NEK2: variants seen among roughly 807,000 people sequenced by gnomAD.
NEK2 encodes the protein NIMA related kinase 2.
A neutral mutation model predicts 54.1 loss-of-function variants in NEK2; 28 were observed. The ratio of observed to expected loss-of-function variants is 0.52; its 90% CI spans 0.38 to 0.71. The LOEUF (loss-of-function observed/expected upper bound fraction) is 0.71, where lower values mean the gene tolerates loss of function less well. Among genes scored for constraint, NEK2 ranks in the 30% least tolerant of loss-of-function variants. NEK2 has a pLI of 0.00. For synonymous variants in NEK2, 176 were observed against 193.1 expected (o/e 0.91, Z 0.73); for missense variants, 407 against 531.5 (o/e 0.77, Z 2.30).
chr1:211,672,526 G>A (rs367551285), intron 3 of NEK2, among the ~76,000 whole-genome samples: 4 of 151,746 alleles, frequency 2.6e-5, no homozygotes, highest in Admixed American at 6.6e-5. Flanking sequence ...TATCTGAAGT[G>A]AGCAAACTTC....
downstream of NEK2, among the ~76,000 whole-genome samples, chr1:211,662,322 C>A (rs1655037770): frequency 6.6e-6 from 1 of 152,156 alleles, no homozygotes; most frequent in Non-Finnish European, 1.5e-5. The surrounding 1 kb of genome is among the most constrained non-coding windows in gnomAD (Gnocchi z 4.2). Context: ...GAAGTTCACA[C>A]ATTAGGGATT....
rs1414847516 is a variant in NEK2, at chr1:211,674,544, A to C, written c.97-31T>G. The C allele has an allele frequency of 3.3e-6, 5 of 1,495,300 alleles. No homozygotes were observed. In the South Asian group the frequency reaches 6.0e-5, roughly 18 times the overall value. The allele number at this position is 1,495,300 out of a possible 1,614,324, so 92.6% of individuals were successfully genotyped here. On this transcript the variant is annotated intron_variant, in intron 1 of 7. Coordinates refer to ENST00000366999, the MANE Select transcript of NEK2 (RefSeq NM_002497.4). Reference sequence around the variant, plus strand: ...ATAAGAATTTCCAAGGTATGAATGAACTCATTATGCTCAAAAACAAAGAAT... The same window carrying C: ...ATAAGAATTTCCAAGGTATGAATGACCTCATTATGCTCAAAAACAAAGAAT...
At chr1:211,661,142 C>G, downstream of NEK2, 1 of 743,978 alleles carries the variant, frequency 1.3e-6, no homozygotes, top group South Asian at 1.4e-5. Context: ...CATCTCCTGT[C>G]TCTGGGTGCC....
At chr1:211,666,113 T>G (rs954758672) in intron 7 of NEK2, among the ~76,000 whole-genome samples, 4 of 152,240 alleles carry the variant, frequency 2.6e-5, no homozygotes, top group Admixed American at 2.6e-4. Context: ...ATTGAGGGTT[T>G]CTATAAAATG....
intron 2 of NEK2, 35 bp from the exon 3 acceptor site, chr1:211,673,758 T>C: frequency 6.3e-7 from 1 of 1,597,322 alleles, no homozygotes. Context: ...ATATAACTTC[T>C]AAAAAAATCA....
chr1:211,675,033 T>A (rs902459406), intron 1 of NEK2, among the ~76,000 whole-genome samples: 1 of 152,226 alleles, frequency 6.6e-6, no homozygotes, highest in Non-Finnish European at 1.5e-5. Flanking sequence ...CTTCGGGTTC[T>A]GGTAGTCCTG....
rs545902685 is a variant in NEK2 at position 211,673,458 on chromosome 1, A to G, written c.555+25T>C. ...AACAAAAATAAAAGATGTTTTAAAA[A>G]GTAGCTAAATTCTGAAATACTTACA... On this transcript the variant is annotated intron_variant, in intron 3 of 7. Coordinates refer to ENST00000366999, the MANE Select transcript of NEK2 (RefSeq NM_002497.4). The G allele has an allele frequency of 8.5e-5, 137 of 1,608,158 alleles. 3 individuals are homozygous for G. The South Asian group carries it at 1.5e-3, about 17-fold the overall frequency.
downstream of NEK2, among the ~76,000 whole-genome samples, chr1:211,661,482 G>A (rs1655017145): frequency 6.6e-6 from 1 of 152,132 alleles, no homozygotes; most frequent in African/African-American, 2.4e-5. Flanking sequence ...GGATTCAATC[G>A]AAAGCTATTT....
intron 6 of NEK2, among the ~76,000 whole-genome samples, chr1:211,668,886 A>G (rs565081480): frequency 1.3e-5 from 2 of 152,344 alleles, no homozygotes; most frequent in East Asian, 1.9e-4. Context: ...TTAAGGCCCA[A>G]TAATATATAA....
In NEK2 at chr1:211,673,643, T is replaced by G; in HGVS notation, c.395A>C (p.Asp132Ala). 1 of 1,614,174 alleles carries G rather than the reference T, an allele frequency of 6.2e-7. No homozygotes were observed. Residue 132 changes from aspartate to alanine, a missense_variant, in exon 3 of 8, where the codon GAT becomes GCT. Asp to Ala is a moderately radical substitution (Grantham distance 126, BLOSUM62 -2). Transcript: ENST00000366999. ...CCGATGCAATACGGTATGACCACCA[T>G]CACTTCGTCTGTGGCATTCCTTCAG... ...LALKECHRRS[D>A]GGHTVLHRDL...
At chr1:211,674,074 C>T (rs534490019) in intron 2 of NEK2, among the ~76,000 whole-genome samples, 1 of 152,242 alleles carries the variant, frequency 6.6e-6, no homozygotes, top group East Asian at 1.9e-4. Flanking sequence ...CATCGGCCTC[C>T]CAAAGTGTTG....
chr1:211,664,124 TA>T (rs1655102512), intron 7 of NEK2, among the ~76,000 whole-genome samples: 1 of 151,730 alleles, frequency 6.6e-6, no homozygotes, highest in Non-Finnish European at 1.5e-5. Context: ...CAAGAACACT[TA>T]GTTCAAAGCA....
downstream of NEK2, chr1:211,660,450 C>G: frequency 1.4e-6 from 1 of 705,642 alleles, no homozygotes; most frequent in Non-Finnish European, 2.6e-6. Flanking sequence ...GAACCACCAG[C>G]CAGCTGCATT....
At chr1:211,674,198 C>T in intron 2 of NEK2, 98 bp downstream of exon 2, 2 of 997,500 alleles carry the variant, frequency 2.0e-6, no homozygotes, top group Non-Finnish European at 1.5e-6. Context: ...CAAACAAATA[C>T]AAATACACTC....
chr1:211,661,124 G>A, downstream of NEK2: 1 of 746,542 alleles, frequency 1.3e-6, no homozygotes, highest in Non-Finnish European at 2.5e-6. Context: ...CCTTGAGCTG[G>A]GCGATAGCAT....
downstream of NEK2, among the ~76,000 whole-genome samples, chr1:211,661,446 A>C (rs1442336775): frequency 6.6e-6 from 1 of 152,186 alleles, no homozygotes; most frequent in African/African-American, 2.4e-5. Context: ...ATCACACCTA[A>C]TTCCAAATCT....
chr1:211,671,764 C>T (rs1445568410), intron 3 of NEK2, among the ~76,000 whole-genome samples: 1 of 152,128 alleles, frequency 6.6e-6, no homozygotes, highest in Non-Finnish European at 1.5e-5. Flanking sequence ...GCCTTTCTTC[C>T]ACATCTACAG....
chr1:211,669,200 T>C lies in NEK2; in HGVS notation c.898A>G (p.Ser300Gly). The C allele has an allele frequency of 6.2e-7, 1 of 1,614,036 alleles. No homozygotes were observed. Among genetic ancestry groups the C allele is most frequent in the East Asian group, 2.2e-5 (1 of 44,884 alleles). Reference sequence around the variant, plus strand: ...AGTTTCAGCTCACTCAATACAGGGCTGGAATCCTGCGATTTTTCTGGCTCT... The same window carrying C: ...AGTTTCAGCTCACTCAATACAGGGCCGGAATCCTGCGATTTTTCTGGCTCT... ...LGEPEKSQDS[S>G]PVLSELKLKE... is the part of the protein sequence containing the mutation. The change falls in exon 6 of 8, where the codon AGC becomes GGC. Residue 300 changes from serine to glycine, a missense_variant. Ser to Gly is a moderately conservative substitution (Grantham distance 56). Transcript: ENST00000366999.
rs1655542426 is a variant in NEK2, at chr1:211,675,274, C to A, written c.96+110G>T. On this transcript the variant is annotated intron_variant, in intron 1 of 7. Coordinates refer to ENST00000366999, the MANE Select transcript of NEK2 (RefSeq NM_002497.4). ...GACCCAGGAAAGACGGTTTAGTCTT[C>A]CGGGCACCCATTTCCTCAGCCCTGT... 4 of 941,484 alleles carry A rather than the reference C, an allele frequency of 4.2e-6. No homozygotes were observed. The East Asian group carries it at 9.7e-5, about 23-fold the overall frequency. 58.3% of individuals were successfully genotyped at this position (941,484 alleles called of 1,614,324 possible).
Sources: gnomAD v4.1 joint callset for allele counts (sites outside exome capture counted in the v4.1 genomes callset) on GRCh38, gnomAD v4.1.1 for gene constraint, Gnocchi (gnomAD v3.1) non-coding constraint, MANE v1.5 for transcripts, NCBI Gene and HGNC (gene_info 2026-07-23, HGNC 2026-07-21) for gene names.